Variants in ADCY8 observed in about 807,000 individuals in gnomAD.
The protein encoded by ADCY8 is adenylate cyclase 8.
In ADCY8, 51 loss-of-function variants were observed where a neutral mutation model predicts 119.7. The ratio of observed to expected loss-of-function variants is 0.43; its 90% CI spans 0.34 to 0.54. The LOEUF (loss-of-function observed/expected upper bound fraction) is 0.54. ADCY8 is among the 20% of genes least tolerant of loss of function. ADCY8 has a pLI of 0.03. For synonymous variants in ADCY8, 665 were observed against 651.0 expected, an observed-to-expected ratio of 1.02 and a Z score of -0.33; for missense variants, 1,383 against 1,598.8, an observed-to-expected ratio of 0.87 and a Z score of 2.30.
chr8:130,875,806 T>G (rs11780690), intron 8 of ADCY8, among the ~76,000 whole-genome samples: 53,447 of 152,048 alleles, frequency 0.35, 10,168 homozygotes, highest in East Asian at 0.56. Context: ...TGGACATAGC[T>G]AAGAACCAAT....
intron 2 of ADCY8, among the ~76,000 whole-genome samples, chr8:130,978,259 C>T (rs75452147): frequency 0.012 from 1,830 of 152,240 alleles, 45 homozygotes; most frequent in African/African-American, 0.042. Context: ...GAAATATTTA[C>T]ATCCCTGTAA....
chr8:130,867,814 T>C, intron 9 of ADCY8, 32 bp downstream of exon 9: 1 of 1,478,482 alleles, frequency 6.8e-7, no homozygotes. Context: ...ACAAAGATAT[T>C]TCACCAGATC....
intron 14 of ADCY8, among the ~76,000 whole-genome samples, chr8:130,804,677 G>A (rs1815887746): frequency 6.6e-6 from 1 of 152,144 alleles, no homozygotes. Context: ...AAAATGGCAG[G>A]CAGCCAGGGG....
chr8:130,851,510 TTGTC>T (rs1817527763), intron 9 of ADCY8, among the ~76,000 whole-genome samples: 1 of 152,152 alleles, frequency 6.6e-6, no homozygotes, highest in African/African-American at 2.4e-5. Context: ...CTCAGGAGCT[TTGTC>T]CTGTAGGCAA....
At chr8:130,995,208 T>A (rs1822735957) in intron 1 of ADCY8, among the ~76,000 whole-genome samples, 1 of 152,170 alleles carries the variant, frequency 6.6e-6, no homozygotes, top group Non-Finnish European at 1.5e-5. Flanking sequence ...TATAATAAGA[T>A]CTTTTACAAT....
At chr8:130,800,076 T>G (rs16904363) in intron 15 of ADCY8, among the ~76,000 whole-genome samples, 1 of 152,120 alleles carries the variant, frequency 6.6e-6, no homozygotes, top group Non-Finnish European at 1.5e-5. Context: ...GATGGAGCAA[T>G]GCCTGCTTCA....
chr8:130,858,330 G>A (rs1365006016), intron 9 of ADCY8, among the ~76,000 whole-genome samples: 1 of 152,112 alleles, frequency 6.6e-6, no homozygotes, highest in Non-Finnish European at 1.5e-5. Flanking sequence ...CTCCTTAGGT[G>A]CCTCCTTGCT....
chr8:130,921,444 C>CTTTTTT, intron 5 of ADCY8, among the ~76,000 whole-genome samples: 1 of 132,546 alleles, frequency 7.5e-6, no homozygotes, highest in Non-Finnish European at 1.6e-5. Context: ...TTTTCTTTTT[C>CTTTTTT]TTTTCTTTTT....
chr8:130,832,512 G>A (rs1816869034), intron 12 of ADCY8, among the ~76,000 whole-genome samples: 1 of 152,156 alleles, frequency 6.6e-6, no homozygotes, highest in African/African-American at 2.4e-5. Context: ...TCACTACCGA[G>A]TGACTATCGA....
chr8:130,964,839 T>C (rs1821714236), intron 2 of ADCY8, among the ~76,000 whole-genome samples: 1 of 152,342 alleles, frequency 6.6e-6, no homozygotes, highest in South Asian at 2.1e-4. Context: ...GCATCTATTA[T>C]GTTTTCACTT....
At position 130,780,880 on chromosome 8, in the gene ADCY8, G is replaced by A. The variant is rs199731937; in HGVS notation, c.3269-3C>T. ...TACCACTGAGCCGTGGCTGATGCCT[G>A]GGGGGTGAAGCAAAGGAGCAAGAAG... On this transcript the variant is annotated splice_region_variant and splice_polypyrimidine_tract_variant and intron_variant, in intron 17 of 17. Transcript: ENST00000286355. The A allele has an allele frequency of 2.7e-4, 428 of 1,611,934 alleles. No individual in the cohort carries two copies. The highest frequency in any genetic ancestry group is 2.1e-3 in the African/African-American group (161 of 74,968).
intron 2 of ADCY8, among the ~76,000 whole-genome samples, chr8:130,960,027 T>G (rs1821550821): frequency 6.6e-6 from 1 of 152,018 alleles, no homozygotes. Context: ...AAATGGTTAA[T>G]ATAGAGGGAA....
At chr8:130,846,887 CTT>C (rs35779231) in intron 11 of ADCY8, among the ~76,000 whole-genome samples, 3 of 20,126 alleles carry the variant, frequency 1.5e-4, no homozygotes, top group African/African-American at 6.5e-4. Context: ...CTTCCCTTCC[CTT>C]TCCTTCCTTC....
intron 3 of ADCY8, 36 bp downstream of exon 3, chr8:130,951,832 A>G (rs1313656419): frequency 1.2e-6 from 2 of 1,612,270 alleles, no homozygotes; most frequent in Non-Finnish European, 1.7e-6. Context: ...CACATGGATC[A>G]TGCAAGAGCC....
intron 4 of ADCY8, 105 bp from the exon 5 acceptor site, chr8:130,937,305 G>C: frequency 5.8e-6 from 7 of 1,209,260 alleles, no homozygotes; most frequent in Non-Finnish European, 7.8e-6. Context: ...CTGCAACTTG[G>C]GGTAAGGAGA....
At chr8:130,914,970 A>G (rs1012586833) in intron 5 of ADCY8, among the ~76,000 whole-genome samples, 3 of 152,198 alleles carry the variant, frequency 2.0e-5, no homozygotes, top group African/African-American at 7.2e-5. Flanking sequence ...GGCTGTCCCA[A>G]GATGGATCTA....
chr8:130,898,786 T>C (rs796298243), intron 7 of ADCY8, among the ~76,000 whole-genome samples: 3 of 152,344 alleles, frequency 2.0e-5, no homozygotes, highest in African/African-American at 7.2e-5. Context: ...TACATTTTTA[T>C]AGCTACATAA....
chr8:130,996,182 AG>A (rs1822767899), intron 1 of ADCY8, among the ~76,000 whole-genome samples: 2 of 152,224 alleles, frequency 1.3e-5, no homozygotes, highest in Admixed American at 1.3e-4. Flanking sequence ...CAAAAGATAA[AG>A]AAGAGAGGTA....
chr8:131,016,997 C>T (rs754109574), intron 1 of ADCY8, among the ~76,000 whole-genome samples: 47 of 151,976 alleles, frequency 3.1e-4, no homozygotes, highest in South Asian at 6.3e-4. Context: ...AGAAAGAACT[C>T]GTGCTTTGAT....
Sources: gnomAD v4.1 joint callset for allele counts (sites outside exome capture counted in the v4.1 genomes callset) on GRCh38, gnomAD v4.1.1 for gene constraint, MANE v1.5 for transcripts, NCBI Gene and HGNC (gene_info 2026-07-23, HGNC 2026-07-21) for gene names.